Variants in BMPER observed in about 807,000 individuals in gnomAD.
BMPER encodes BMP-binding endothelial regulator protein.
A neutral mutation model predicts 87.3 loss-of-function variants in BMPER; 45 were observed. That is an observed-to-expected ratio of 0.52 (90% confidence interval 0.41 to 0.66). The LOEUF is 0.66. BMPER is among the 30% of genes least tolerant of loss of function. BMPER has a pLI of 0.00. For synonymous variants in BMPER, 326 were observed against 316.2 expected, an observed-to-expected ratio of 1.03 and a Z score of -0.33; for missense variants, 784 against 867.5, an observed-to-expected ratio of 0.90 and a Z score of 1.21.
intron 13 of BMPER, among the ~76,000 whole-genome samples, chr7:34,087,046 G>T (rs1176710199): frequency 1.3e-5 from 2 of 152,084 alleles, no homozygotes; most frequent in Non-Finnish European, 2.9e-5. Flanking sequence ...ATTTCCCCTA[G>T]TTCTCATTAA....
chr7:34,076,400 C>T (rs1260264722), intron 11 of BMPER, among the ~76,000 whole-genome samples: 1 of 152,066 alleles, frequency 6.6e-6, no homozygotes, highest in Non-Finnish European at 1.5e-5. Context: ...CCACTGTTTT[C>T]AATTTTGGGG....
rs183457356 is a variant in BMPER, at chr7:34,003,367, T to G, written c.576+28583T>G. 1.9e-3 allele frequency among the ~76,000 whole-genome samples: 291 copies of G among 152,062 alleles called. 1 individual carries two copies. Among genetic ancestry groups the G allele is most frequent in the Middle Eastern group, 0.01 (3 of 294 alleles). On this transcript the variant is annotated intron_variant, in intron 6 of 14. Coordinates refer to ENST00000649409, the MANE Select transcript of BMPER (RefSeq NM_001365308.1). ...TACAGAAAAACTTTGTTCCAATATA[T>G]CTCTATTTCTCCCTTCCTTTCTACT... is the stretch of plus-strand genomic sequence containing the variant.
chr7:33,917,484 C>T (rs559884363), intron 2 of BMPER, among the ~76,000 whole-genome samples: 17 of 152,042 alleles, frequency 1.1e-4, no homozygotes, highest in East Asian at 7.8e-4. Flanking sequence ...TGTAAACTGA[C>T]GGGCAATTAT....
At chr7:34,071,921 G>A (rs1178333050) in intron 11 of BMPER, among the ~76,000 whole-genome samples, 3 of 152,146 alleles carry the variant, frequency 2.0e-5, no homozygotes, top group Non-Finnish European at 4.4e-5. Context: ...GCATTTGAGA[G>A]GATTTGAGTG....
Position 34,079,073 on chromosome 7 carries a change from TGCA to T in BMPER, c.1302_1304del (p.Gln434del). 1.2e-6 allele frequency: 2 copies of T among 1,614,126 alleles called. No individual in the cohort carries two copies. Among genetic ancestry groups the T allele is most frequent in the Non-Finnish European group, 1.7e-6 (2 of 1,180,032 alleles). ...GTGCTGGGCGAGAGCAGGGTCAGCC[TGCA>T]GCAGCACCTCACCGTGCGCTGGAAC... On this transcript the variant is annotated inframe_deletion, in exon 12 of 15. Transcript: ENST00000649409.
At position 34,153,120 on chromosome 7, in the gene BMPER, C is replaced by T. The variant is rs763431869; in HGVS notation, c.1905C>T (p.Tyr635=). The T allele has an allele frequency of 2.0e-5, 33 of 1,613,864 alleles. No homozygotes were observed. Among genetic ancestry groups the T allele is most frequent in the Middle Eastern group, 1.6e-4 (1 of 6,084 alleles). The change falls in exon 15 of 15, where the codon TAC becomes TAT. Residue 635 remains tyrosine (Y), a synonymous_variant. Transcript: ENST00000649409. ...CCCAGTGTAAGCATGGTGCTGTGTA[C>T]GATACCTGTGGTCCGGGATGTATCA... is the stretch of plus-strand genomic sequence containing the variant. ...AATQCKHGAV[Y]DTCGPGCIKT...
chr7:33,963,271 A>C (rs1208799065), intron 3 of BMPER, among the ~76,000 whole-genome samples: 2 of 152,202 alleles, frequency 1.3e-5, no homozygotes, highest in African/African-American at 4.8e-5. Context: ...CAATGCAATT[A>C]AACCCAGAAT....
At chr7:34,140,325 C>CCA (rs1790831870) in intron 13 of BMPER, among the ~76,000 whole-genome samples, 2 of 152,156 alleles carry the variant, frequency 1.3e-5, no homozygotes, top group South Asian at 4.1e-4. Flanking sequence ...AAACTCTGTT[C>CCA]ATTATTTTAT....
chr7:34,017,170 A>C (rs1787047996), intron 6 of BMPER, among the ~76,000 whole-genome samples: 1 of 151,778 alleles, frequency 6.6e-6, no homozygotes, highest in East Asian at 1.9e-4. Flanking sequence ...ACTTGAGGAG[A>C]GTCTGGTTCG....
Position 33,905,794 on chromosome 7 carries a change from T to C in BMPER, c.133+48T>C, listed in dbSNP as rs776785241. The stretch of plus-strand genomic sequence containing the variant: ...CCGGCCCTCCGGGACGCCGGTTTGG[T>C]ACCTGGGAAAGGTGGCGCTGGCTTG... On this transcript the variant is annotated intron_variant, in intron 1 of 14. Transcript: ENST00000649409. The C allele has an allele frequency of 1.0e-5, 12 of 1,195,164 alleles. No homozygotes were observed. In the Admixed American group the frequency reaches 1.1e-4, roughly 11 times the overall value. The allele number at this position is 1,195,164 out of a possible 1,614,324, so 74.0% of individuals were successfully genotyped here. A position where few individuals can be genotyped will look rare whatever the true frequency, so the allele number is the denominator to read the frequency against.
intron 6 of BMPER, among the ~76,000 whole-genome samples, chr7:33,980,030 T>C (rs1426792488): frequency 2.0e-5 from 3 of 152,234 alleles, no homozygotes; most frequent in African/African-American, 7.2e-5. Context: ...AACGTGATAA[T>C]GTTTGAGGAT....
chr7:33,970,306 G>A (rs1585689733), intron 4 of BMPER, 23 bp from the exon 5 acceptor site: 4 of 1,608,288 alleles, frequency 2.5e-6, no homozygotes, highest in Non-Finnish European at 3.4e-6. Context: ...GGCTGACTTT[G>A]CTTGTTTTGT....
intron 6 of BMPER, among the ~76,000 whole-genome samples, chr7:34,027,307 G>T (rs1263529380): frequency 6.6e-6 from 1 of 152,092 alleles, no homozygotes; most frequent in Non-Finnish European, 1.5e-5. Flanking sequence ...GAGTAAAAGT[G>T]CTGGAGTCAG....
chr7:34,065,476 C>T (rs1347050289), intron 11 of BMPER, among the ~76,000 whole-genome samples: 2 of 152,176 alleles, frequency 1.3e-5, no homozygotes, highest in Non-Finnish European at 2.9e-5. Flanking sequence ...AGTTACCCCT[C>T]ATTGGGTGCC....
rs1374402383 is a variant in BMPER at position 34,058,233 on chromosome 7, T to TG, written c.1032+71dup. ...ATGTCCTGTGTGTGGCACAGTCGCA[T>TG]GCCATCTTCCGAACACAGACTCCAG... On this transcript the variant is annotated intron_variant, in intron 10 of 14. Coordinates refer to ENST00000649409, the MANE Select transcript of BMPER (RefSeq NM_001365308.1). 3.8e-5 allele frequency: 54 copies of TG among 1,422,370 alleles called. No individual in the cohort carries two copies. The African/African-American group carries it at 7.0e-4, about 18-fold the overall frequency. The allele number at this position is 1,422,370 out of a possible 1,614,324, so 88.1% of individuals were successfully genotyped here. A position where few individuals can be genotyped will look rare whatever the true frequency, so the allele number is the denominator to read the frequency against.
At chr7:34,087,316 T>TA (rs1167302184) in intron 13 of BMPER, among the ~76,000 whole-genome samples, 12 of 152,184 alleles carry the variant, frequency 7.9e-5, no homozygotes, top group Non-Finnish European at 2.9e-5. Context: ...TGAGGGATCT[T>TA]AACGTGAGAC....
intron 2 of BMPER, among the ~76,000 whole-genome samples, chr7:33,927,874 T>C (rs1784396646): frequency 6.6e-6 from 1 of 152,180 alleles, no homozygotes; most frequent in Non-Finnish European, 1.5e-5. Context: ...ATAAAAATAT[T>C]CATAGAGTTT....
chr7:34,079,373 A>G (rs780474707), intron 12 of BMPER, among the ~76,000 whole-genome samples, 187 bp downstream of exon 12: 13 of 152,196 alleles, frequency 8.5e-5, no homozygotes, highest in South Asian at 2.1e-4. Flanking sequence ...TGAAGATGCC[A>G]CAAACAGCTG....
rs181927456 is a variant in BMPER at position 34,019,460 on chromosome 7, G to A, written c.577-26846G>A. ...AAATATTTTTTCCCTCCTCTGATCC[G>A]CATCATTTATACGCCCAACCTCAAT... On this transcript the variant is annotated intron_variant, in intron 6 of 14. Coordinates refer to ENST00000649409, the MANE Select transcript of BMPER (RefSeq NM_001365308.1). Among the ~76,000 whole-genome samples, 47 of 152,086 alleles carry A rather than the reference G, an allele frequency of 3.1e-4. No homozygotes were observed. The East Asian group carries it at 3.3e-3, about 11-fold the overall frequency.
Sources: allele counts gnomAD v4.1 joint callset (sites outside exome capture counted in the v4.1 genomes callset), GRCh38; gene constraint gnomAD v4.1.1; transcripts MANE v1.5; gene names NCBI Gene and HGNC (gene_info 2026-07-23, HGNC 2026-07-21).